The following SLC9A3 variants were observed in gnomAD, a reference collection of about 807,000 sequenced individuals.
SLC9A3 encodes sodium/hydrogen exchanger 3.
In SLC9A3, 37 loss-of-function variants were observed where a neutral mutation model predicts 86.8. The ratio of observed to expected loss-of-function variants is 0.43; its 90% CI spans 0.33 to 0.56. The LOEUF is 0.56. Among genes scored for constraint, SLC9A3 ranks in the 20% least tolerant of loss-of-function variants. The pLI, the probability that SLC9A3 is intolerant of heterozygous loss-of-function variation, is 0.06. For missense variants in SLC9A3, 1,011 were observed against 1,171.9 expected, an observed-to-expected ratio of 0.86 and a Z score of 2.00; for synonymous variants, 581 against 528.3, an observed-to-expected ratio of 1.10 and a Z score of -1.37.
chr5:477,106 C>T (rs373299576), intron 11 of SLC9A3: 7 of 523,550 alleles, frequency 1.3e-5, no homozygotes, highest in Admixed American at 6.8e-5. Context: ...GCCTGGCCCC[C>T]AGTCCGCTGC....
chr5:503,502 G>T (rs1553998730), intron 1 of SLC9A3, among the ~76,000 whole-genome samples: 1 of 152,244 alleles, frequency 6.6e-6, no homozygotes, highest in Non-Finnish European at 1.5e-5. Flanking sequence ...GTGACAGTGA[G>T]CGAGGCCCCC....
intron 15 of SLC9A3, 32 bp from the exon 16 acceptor site, chr5:475,164 C>A: frequency 6.5e-7 from 1 of 1,539,362 alleles, no homozygotes; most frequent in Non-Finnish European, 8.7e-7. Context: ...AGTCAGCCTT[C>A]GGAGAGCCCC....
rs1448328195 is a variant in SLC9A3 at position 482,797 on chromosome 5, C to T, written c.1154-47G>A. On this transcript the variant is annotated intron_variant, in intron 6 of 16. Transcript: ENST00000264938. ...CTCAGCTCCCCGGCCGCCCTCCCAG[C>T]CGCGGGACCCCAGCCCCTCCGGGAC... The T allele has an allele frequency of 2.7e-6, 4 of 1,464,920 alleles. No homozygotes were observed. The Admixed American group carries it at 6.0e-5, about 22-fold the overall frequency. The allele number at this position is 1,464,920 out of a possible 1,614,324, so 90.7% of individuals were successfully genotyped here. A position where few individuals can be genotyped will look rare whatever the true frequency, so the allele number is the denominator to read the frequency against.
At chr5:483,975 A>G (rs1380836253) in intron 5 of SLC9A3, among the ~76,000 whole-genome samples, 1 of 152,202 alleles carries the variant, frequency 6.6e-6, no homozygotes, top group Non-Finnish European at 1.5e-5. Flanking sequence ...ACTTCCCCTC[A>G]CGGGGGTTCA....
intron 2 of SLC9A3, among the ~76,000 whole-genome samples, chr5:490,687 A>T (rs1739693180): frequency 6.6e-6 from 1 of 152,230 alleles, no homozygotes; most frequent in South Asian, 2.1e-4. Flanking sequence ...CCGCGGGTCC[A>T]GGAGTCTCTG....
chr5:519,107 C>T (rs1267867860), intron 1 of SLC9A3, among the ~76,000 whole-genome samples: 1 of 152,188 alleles, frequency 6.6e-6, no homozygotes, highest in Non-Finnish European at 1.5e-5. Context: ...CAGACCCTCC[C>T]CTGTGGAGAC....
intron 4 of SLC9A3, 26 bp from the exon 5 acceptor site, chr5:484,723 C>T (rs541978394): frequency 1.0e-4 from 166 of 1,608,700 alleles, no homozygotes; most frequent in Middle Eastern, 3.3e-4. Flanking sequence ...CCTTTGTGGC[C>T]GTGCCGGCCT....
intron 2 of SLC9A3, among the ~76,000 whole-genome samples, chr5:490,231 T>C (rs1739668673): frequency 6.6e-6 from 1 of 152,202 alleles, no homozygotes; most frequent in African/African-American, 2.4e-5. Flanking sequence ...GGGAGCGGCC[T>C]GCCCCAGGGG....
At chr5:490,731 G>A (rs561072240) in intron 2 of SLC9A3, among the ~76,000 whole-genome samples, 11 of 152,342 alleles carry the variant, frequency 7.2e-5, no homozygotes, top group South Asian at 4.1e-4. Context: ...TGGGTGCGGT[G>A]GCTAGGGCGG....
chr5:472,313 T>G lies in SLC9A3; in HGVS notation c.*1066A>C, dbSNP rs949011684. 8.9e-6 allele frequency: 3 copies of G among 338,078 alleles called. No individual in the cohort carries two copies. The East Asian group carries it at 2.4e-4, about 27-fold the overall frequency. The allele number at this position is 338,078 out of a possible 1,614,324, so 20.9% of individuals were successfully genotyped here. ...GACAGGCTCAGGGGTCTCAGCAGGTTCTCCTTGGAGGGCCTGAGCCTGGTA... is the reference window on the plus strand; with the variant it reads ...GACAGGCTCAGGGGTCTCAGCAGGTGCTCCTTGGAGGGCCTGAGCCTGGTA... On this transcript the variant is annotated 3_prime_UTR_variant, in exon 17 of 17. Transcript: ENST00000264938.
chr5:497,406 G>A lies in SLC9A3; in HGVS notation c.212-5335C>T, dbSNP rs573179737. ...CCCTTGACAGCTGGCGTCCACCCTC[G>A]AGCATTTGCGAATGTCAGGCTGACA... On this transcript the variant is annotated intron_variant, in intron 1 of 16. Transcript: ENST00000264938. The surrounding 1 kb of genome is among the most constrained non-coding windows in gnomAD (Gnocchi z 5.4). Among the ~76,000 whole-genome samples the A allele has an allele frequency of 5.7e-4, 87 of 152,224 alleles. No homozygotes were observed. The South Asian group carries it at 0.012, about 20-fold the overall frequency.
chr5:482,895 C>G, intron 6 of SLC9A3, 145 bp from the exon 7 acceptor site: 1 of 663,776 alleles, frequency 1.5e-6, no homozygotes, highest in Non-Finnish European at 2.6e-6. Flanking sequence ...ACGCCACGTC[C>G]CTCGTCACCA....
chr5:479,773 C>T (rs553926020), intron 10 of SLC9A3, 63 bp downstream of exon 10: 3 of 1,582,748 alleles, frequency 1.9e-6, no homozygotes, highest in African/African-American at 2.7e-5. Context: ...TGCCCCATGG[C>T]ACCCACAGCC....
rs1472035049 is a variant in SLC9A3 at position 472,846 on chromosome 5, C to A, written c.*533G>T. On this transcript the variant is annotated 3_prime_UTR_variant, in exon 17 of 17. Coordinates refer to ENST00000264938, the MANE Select transcript of SLC9A3 (RefSeq NM_004174.4). ...GGGCGCGGGGCTCGGTTGGGGGGGC[C>A]CGGAACCTTGGGCTGGTTTCACGCA... 1.9e-6 allele frequency: 1 copy of A among 520,536 alleles called. No homozygotes were observed. Among genetic ancestry groups the A allele is most frequent in the Non-Finnish European group, 3.6e-6 (1 of 275,874 alleles). The allele number at this position is 520,536 out of a possible 1,614,324, so 32.2% of individuals were successfully genotyped here.
Position 482,107 on chromosome 5 carries a change from C to T in SLC9A3, c.1407G>A (p.Glu469=), listed in dbSNP as rs930828206. The T allele has an allele frequency of 1.2e-6, 2 of 1,608,496 alleles. No individual in the cohort carries two copies. ...LVQWLKVKRS[E]HREPRLNEKL... ...TCTCGTTGAGCCGAGGTTCCCGGTG[C>T]TCGCTCCTCTTCACCTTCAGCCACT... Residue 469 remains glutamate, a synonymous_variant, in exon 8 of 17, where the codon GAG becomes GAA. Transcript: ENST00000264938.
intron 1 of SLC9A3, among the ~76,000 whole-genome samples, chr5:503,493 T>C (rs1740401909): frequency 6.6e-6 from 1 of 152,176 alleles, no homozygotes; most frequent in Non-Finnish European, 1.5e-5. Flanking sequence ...CCAGTCTGGG[T>C]GACAGTGAGC....
At chr5:513,719 G>A (rs1325018300) in intron 1 of SLC9A3, among the ~76,000 whole-genome samples, 1 of 152,202 alleles carries the variant, frequency 6.6e-6, no homozygotes, top group Non-Finnish European at 1.5e-5. Context: ...GCAGACAGCA[G>A]CCCCGGGCCA....
At chr5:477,514 G>T (rs1738828166) in intron 10 of SLC9A3, 70 bp from the exon 11 acceptor site, 1 of 1,181,204 alleles carries the variant, frequency 8.5e-7, no homozygotes, top group Non-Finnish European at 1.2e-6. Context: ...TGTGTGCCCT[G>T]GGGGGAAGCG....
chr5:493,340 G>A (rs902772736), intron 1 of SLC9A3, among the ~76,000 whole-genome samples: 2 of 152,244 alleles, frequency 1.3e-5, no homozygotes, highest in Non-Finnish European at 2.9e-5. Flanking sequence ...GAGCGGGGAG[G>A]CTCCCTCCAC....
Sources: gnomAD v4.1 joint callset for allele counts (sites outside exome capture counted in the v4.1 genomes callset) on GRCh38, gnomAD v4.1.1 for gene constraint, Gnocchi (gnomAD v3.1) non-coding constraint, MANE v1.5 for transcripts, NCBI Gene and HGNC (gene_info 2026-07-23, HGNC 2026-07-21) for gene names.